The following MBNL1 variants were observed in gnomAD, a reference collection of about 807,000 sequenced individuals.
MBNL1 encodes muscleblind-like protein 1.
MBNL1 carries 8 observed loss-of-function variants against 42.2 expected under a neutral mutation model. The observed-to-expected ratio is 0.19, with a 90% CI of 0.11 to 0.34. MBNL1 has a LOEUF of 0.34. MBNL1 is among the 10% of genes least tolerant of loss of function. MBNL1 has a pLI of 1.00. For missense variants in MBNL1, 309 were observed against 495.3 expected (o/e 0.62, Z 3.57); for synonymous variants, 169 against 173.9 (o/e 0.97, Z 0.22).
intron 2 of MBNL1, among the ~76,000 whole-genome samples, chr3:152,358,776 A>T (rs2095711386): frequency 6.6e-6 from 1 of 151,796 alleles, no homozygotes; most frequent in South Asian, 2.1e-4. Context: ...TACTATTATT[A>T]TTATTATTAT....
At chr3:152,323,919 T>C (rs1343079622) in intron 2 of MBNL1, among the ~76,000 whole-genome samples, 2 of 152,188 alleles carry the variant, frequency 1.3e-5, no homozygotes, top group Non-Finnish European at 2.9e-5. Flanking sequence ...TCCTTTCTTA[T>C]GATCACTATT....
chr3:152,365,367 G>A (rs2096288474), intron 2 of MBNL1, among the ~76,000 whole-genome samples: 1 of 151,986 alleles, frequency 6.6e-6, no homozygotes, highest in African/African-American at 2.4e-5. Flanking sequence ...TTGAATGTTT[G>A]CTACTTCCAC....
intron 1 of MBNL1, among the ~76,000 whole-genome samples, chr3:152,272,726 G>A (rs915726894): frequency 6.6e-6 from 1 of 152,082 alleles, no homozygotes; most frequent in Non-Finnish European, 1.5e-5. Flanking sequence ...AACATTATGG[G>A]CTCTGAAGAA....
chr3:152,371,287 G>A (rs576596238), intron 2 of MBNL1, among the ~76,000 whole-genome samples: 1 of 152,218 alleles, frequency 6.6e-6, no homozygotes, highest in South Asian at 2.1e-4. Context: ...GAAATTCTGG[G>A]TTGAAAATTC....
intron 2 of MBNL1, among the ~76,000 whole-genome samples, chr3:152,306,254 C>T (rs1261054203): frequency 6.6e-6 from 1 of 152,200 alleles, no homozygotes; most frequent in Non-Finnish European, 1.5e-5. Context: ...ATAACAGAGA[C>T]ACCTCCCCTA....
At chr3:152,412,847 T>C (rs1159681224) in intron 2 of MBNL1, among the ~76,000 whole-genome samples, 4 of 152,340 alleles carry the variant, frequency 2.6e-5, no homozygotes, top group Non-Finnish European at 5.9e-5. Context: ...TAGAAACCGA[T>C]GTGAGTGAAT....
intron 2 of MBNL1, among the ~76,000 whole-genome samples, chr3:152,307,872 A>G (rs1231869074): frequency 2.6e-5 from 4 of 152,238 alleles, no homozygotes; most frequent in Admixed American, 1.3e-4. Context: ...AGAAGTAATC[A>G]CTGTATTTTA....
At chr3:152,251,038 C>T (rs577469468) in intron 2 of MBNL1, among the ~76,000 whole-genome samples, 204 of 152,150 alleles carry the variant, frequency 1.3e-3, no homozygotes, top group African/African-American at 4.4e-3. Context: ...GTTCAATATA[C>T]GCAAATCAAT....
intron 1 of MBNL1, among the ~76,000 whole-genome samples, chr3:152,295,575 A>G (rs2058209003): frequency 2.0e-5 from 3 of 152,078 alleles, no homozygotes; most frequent in African/African-American, 7.2e-5. Flanking sequence ...GTGATGGAAG[A>G]CACTGGACCT....
At chr3:152,329,133 G>A (rs576975107) in intron 2 of MBNL1, among the ~76,000 whole-genome samples, 1 of 152,240 alleles carries the variant, frequency 6.6e-6, no homozygotes, top group Admixed American at 6.6e-5. Context: ...TGTGGAACTG[G>A]AAGTGCTAGG....
At chr3:152,402,929 A>G (rs1314739417) in intron 2 of MBNL1, among the ~76,000 whole-genome samples, 3 of 152,136 alleles carry the variant, frequency 2.0e-5, no homozygotes, top group Non-Finnish European at 2.9e-5. Context: ...CAGGGAAGGA[A>G]GATGTGTAAA....
At chr3:152,343,365 T>C (rs1440620532) in intron 2 of MBNL1, among the ~76,000 whole-genome samples, 1 of 152,170 alleles carries the variant, frequency 6.6e-6, no homozygotes, top group Admixed American at 6.6e-5. Flanking sequence ...TAACCTTGAA[T>C]GCTAGTCACA....
intron 1 of MBNL1, among the ~76,000 whole-genome samples, chr3:152,270,103 T>C (rs979090044): frequency 6.6e-6 from 1 of 152,054 alleles, no homozygotes; most frequent in African/African-American, 2.4e-5. Flanking sequence ...TAAGGCTCTC[T>C]GGGGCCGGGA....
At chr3:152,458,096 A>G in intron 8 of MBNL1, 1 of 1,589,028 alleles carries the variant, frequency 6.3e-7, no homozygotes, top group South Asian at 1.1e-5. Context: ...ATCTGCATCG[A>G]TTGGTGTTGA....
chr3:152,409,963 G>A (rs2098526546), intron 2 of MBNL1, among the ~76,000 whole-genome samples: 1 of 152,052 alleles, frequency 6.6e-6, no homozygotes, highest in Non-Finnish European at 1.5e-5. Flanking sequence ...TAGCTAGTTT[G>A]TAATTGCATT....
chr3:152,252,853 A>T (rs916842727), intron 2 of MBNL1, among the ~76,000 whole-genome samples: 6 of 152,140 alleles, frequency 3.9e-5, no homozygotes, highest in Non-Finnish European at 8.8e-5. Flanking sequence ...TTTATATGTG[A>T]TTCTAGAGTA....
chr3:152,418,315 A>C (rs1037597422), intron 3 of MBNL1, among the ~76,000 whole-genome samples: 1 of 152,132 alleles, frequency 6.6e-6, no homozygotes, highest in African/African-American at 2.4e-5. Flanking sequence ...GGCACTCATG[A>C]TGTGGAAGCA....
At chr3:152,420,506 G>C (rs1312706637) in intron 3 of MBNL1, among the ~76,000 whole-genome samples, 2 of 152,188 alleles carry the variant, frequency 1.3e-5, no homozygotes, top group African/African-American at 4.8e-5. Context: ...GCAAACTCCA[G>C]CAGACCTGCA....
intron 2 of MBNL1, among the ~76,000 whole-genome samples, chr3:152,309,191 A>G (rs1349905554): frequency 6.6e-6 from 1 of 152,042 alleles, no homozygotes; most frequent in East Asian, 1.9e-4. Flanking sequence ...CACAAGTGGG[A>G]ATAAAAGAAC....
Sources: gnomAD v4.1 joint callset for allele counts (sites outside exome capture counted in the v4.1 genomes callset) on GRCh38, gnomAD v4.1.1 for gene constraint, MANE v1.5 for transcripts, NCBI Gene and HGNC (gene_info 2026-07-23, HGNC 2026-07-21) for gene names.